Variants in SFPQ observed in about 807,000 individuals in gnomAD.
The protein encoded by SFPQ is splicing factor, proline- and glutamine-rich.
A neutral mutation model predicts 72.9 loss-of-function variants in SFPQ; 11 were observed. That is an observed-to-expected ratio of 0.15 (90% CI 0.09 to 0.25). The LOEUF is 0.25. Among genes scored for constraint, SFPQ ranks in the 10% least tolerant of loss-of-function variants. The probability of loss-of-function intolerance (pLI) is 1.00; values close to 1 mark genes in which losing one functional copy is unlikely to be tolerated. For missense variants in SFPQ, 847 were observed against 993.3 expected (o/e 0.85, Z 1.98); for synonymous variants, 506 against 367.3 (o/e 1.38, Z -4.32).
rs185835547 is a variant in SFPQ, at chr1:35,183,023, C to T, written c.*1433G>A. On this transcript the variant is annotated 3_prime_UTR_variant, in exon 10 of 10. Transcript: ENST00000357214. ...CTCCAGATTTAGTGCTACATGAAAA[C>T]GAAACTATGTGAAAACAAGTTAAAT... 2.1e-5 allele frequency: 22 copies of T among 1,035,684 alleles called. No individual in the cohort carries two copies. The Admixed American group carries it at 2.3e-4, about 11-fold the overall frequency. The allele number at this position is 1,035,684 out of a possible 1,614,324, so 64.2% of individuals were successfully genotyped here.
At position 35,184,573 on chromosome 1, in the gene SFPQ, C is replaced by G; in HGVS notation, c.2007G>C (p.Gln669His). ...GSDMRTERFG[Q>H]GGAGPVGGQG... is the part of the protein sequence containing the mutation. Reference sequence around the variant, plus strand: ...GTCCACCCACAGGCCCCGCACCTCCCTGCCCAAAGCGCTCAGTACGCTATT... The same window carrying G: ...GTCCACCCACAGGCCCCGCACCTCCGTGCCCAAAGCGCTCAGTACGCTATT... Residue 669 changes from glutamine to histidine, a missense_variant, in exon 10 of 10, where the codon CAG (glutamine) becomes CAC (histidine). Coordinates refer to ENST00000357214, the MANE Select transcript of SFPQ (RefSeq NM_005066.3). 6.2e-7 allele frequency: 1 copy of G among 1,601,598 alleles called. No homozygotes were observed. Among genetic ancestry groups the G allele is most frequent in the South Asian group, 1.1e-5 (1 of 88,500 alleles).
downstream of SFPQ, chr1:35,179,721 C>CCA (rs1300408301): frequency 9.5e-7 from 1 of 1,057,222 alleles, no homozygotes; most frequent in African/African-American, 1.7e-5. Context: ...AATTAACCCC[C>CCA]CACCCCAATA....
rs1282360569 is a variant in SFPQ at position 35,192,274 on chromosome 1, G to T, written c.776C>A (p.Pro259His). 2.1e-6 allele frequency: 3 copies of T among 1,462,432 alleles called. No homozygotes were observed. Among genetic ancestry groups the T allele is most frequent in the East Asian group, 6.1e-5 (2 of 32,528 alleles). The allele number at this position is 1,462,432 out of a possible 1,614,324, so 90.6% of individuals were successfully genotyped here. Reference protein sequence around the residue: ...PPYHQQHHQGPPPGGPGGRSE... With the variant: ...PPYHQQHHQGHPPGGPGGRSE... ...GCGGCCGCCGGGCCCGCCGGGCGGG[G>T]GCCCCTGGTGATGCTGCTGGTGGTA... is the stretch of plus-strand genomic sequence containing the variant. Residue 259 changes from proline (P) to histidine (H), a missense_variant, in exon 1 of 10, where the codon CCC becomes CAC. Coordinates refer to ENST00000357214, the MANE Select transcript of SFPQ (RefSeq NM_005066.3).
downstream of SFPQ, chr1:35,182,236 T>TA: frequency 1.0e-6 from 1 of 985,322 alleles, no homozygotes. Context: ...TTTCTTGTCT[T>TA]TAGTAGAGTC....
downstream of SFPQ, chr1:35,179,253 C>A: frequency 2.8e-6 from 3 of 1,061,094 alleles, no homozygotes; most frequent in Non-Finnish European, 2.3e-6. Flanking sequence ...AGGAGACATG[C>A]AACCCCCATT....
At chr1:35,178,323 C>T, downstream of SFPQ, 1 of 1,087,390 alleles carries the variant, frequency 9.2e-7, no homozygotes, top group Non-Finnish European at 1.1e-6. Context: ...GACTGCAACC[C>T]AAAATATACT....
downstream of SFPQ, chr1:35,181,784 A>G: frequency 1.0e-6 from 1 of 985,262 alleles, no homozygotes; most frequent in Non-Finnish European, 1.2e-6. Flanking sequence ...GACTTTTAGG[A>G]AACTATTAAG....
chr1:35,176,922 T>C (rs955024843), intron 5 of SFPQ, among the ~76,000 whole-genome samples: 1 of 148,908 alleles, frequency 6.7e-6, no homozygotes. Context: ...ATGGCATTAA[T>C]TGTAATTAAC....
Position 35,190,589 on chromosome 1 carries a change from G to C in SFPQ, c.1324C>G (p.Pro442Ala). 1 of 1,612,866 alleles carries C rather than the reference G, an allele frequency of 6.2e-7. No individual in the cohort carries two copies. The highest frequency in any genetic ancestry group is 8.5e-7 in the Non-Finnish European group (1 of 1,179,360). Residue 442 changes from proline (P) to alanine (A), a missense_variant, in exon 4 of 10, where the codon CCT (proline) becomes GCT (alanine). Physicochemically the swap from Pro to Ala is conservative, Grantham distance 27. This residue lies in a region of SFPQ where 132 missense variants were observed against 255.4 expected (regional missense o/e 0.52). Transcript: ENST00000357214. ...AGTGGTTCCACAATGACTGGACGAG[G>C]AGTTCTAATAACAAAAATGGTTCCA... ...SEGVFLLTTT[P>A]RPVIVEPLEQ...
At chr1:35,179,416 T>TAACA (rs1639376481), downstream of SFPQ, 2 of 1,056,636 alleles carry the variant, frequency 1.9e-6, no homozygotes, top group African/African-American at 1.6e-5. Flanking sequence ...TCCAAGGGCC[T>TAACA]AACAGTACGA....
chr1:35,187,120 G>A lies in SFPQ; in HGVS notation c.1867C>T (p.Pro623Ser), dbSNP rs1389646495. 2 of 1,613,730 alleles carry A rather than the reference G, an allele frequency of 1.2e-6. No individual in the cohort carries two copies. Among genetic ancestry groups the A allele is most frequent in the African/African-American group, 2.7e-5 (2 of 74,842 alleles). ...AATTTCTGGCCTCCTGAACCATAGG[G>A]ATCTAGAAAACAAAAATAGTGGTTA... ...GGGGAMNMGD[P>S]YGSGGQKFPP... Residue 623 changes from proline (P) to serine (S), a missense_variant and splice_region_variant, in exon 9 of 10, where the codon CCC becomes TCC. Pro to Ser is a moderately conservative substitution (Grantham distance 74). Coordinates refer to ENST00000357214, the MANE Select transcript of SFPQ (RefSeq NM_005066.3).
rs1639562885 is a variant in SFPQ at position 35,183,401 on chromosome 1, T to G, written c.*1055A>C. The G allele has an allele frequency of 3.2e-6, 1 of 310,274 alleles. No individual in the cohort carries two copies. Among genetic ancestry groups the G allele is most frequent in the Non-Finnish European group, 4.8e-6 (1 of 207,518 alleles). The allele number at this position is 310,274 out of a possible 1,614,324, so 19.2% of individuals were successfully genotyped here. A position where few individuals can be genotyped will look rare whatever the true frequency, so the allele number is the denominator to read the frequency against. On this transcript the variant is annotated 3_prime_UTR_variant, in exon 10 of 10. Coordinates refer to ENST00000357214, the MANE Select transcript of SFPQ (RefSeq NM_005066.3). ...CCCAGCTAATTTTTTGTATTTTTAG[T>G]AGAGACGGGGTTTCACCATGTTGGC...
At position 35,192,476 on chromosome 1, in the gene SFPQ, G is replaced by A; in HGVS notation, c.574C>T (p.Pro192Ser). The A allele has an allele frequency of 7.5e-7, 1 of 1,334,266 alleles. No individual in the cohort carries two copies. The highest frequency in any genetic ancestry group is 2.7e-4 in the Middle Eastern group (1 of 3,702). 82.7% of individuals were successfully genotyped at this position (1,334,266 alleles called of 1,614,324 possible). ...GGPPPPPAAV[P>S]GPGPGPKQGP... ...TGCTTAGGCCCTGGACCCGGGCCCG[G>A]GACTGCCGCGGGCGGAGGCGGCGGG... The change falls in exon 1 of 10, where the codon CCG (proline) becomes TCG (serine). Residue 192 changes from proline to serine, a missense_variant. Pro to Ser is a moderately conservative substitution (Grantham distance 74). Coordinates refer to ENST00000357214, the MANE Select transcript of SFPQ (RefSeq NM_005066.3).
At chr1:35,178,254 G>A, downstream of SFPQ, 7 of 1,091,550 alleles carry the variant, frequency 6.4e-6, no homozygotes, top group Non-Finnish European at 7.8e-6. Context: ...AATGAAAACT[G>A]TATTTTCTTT....
At chr1:35,178,178 GA>G (rs1639324865), downstream of SFPQ, 1 of 1,059,500 alleles carries the variant, frequency 9.4e-7, no homozygotes, top group East Asian at 5.6e-5. Context: ...AAAATAGGAA[GA>G]AACTTCATGG....
At chr1:35,178,255 T>C (rs1639328600), downstream of SFPQ, 1 of 1,092,978 alleles carries the variant, frequency 9.1e-7, no homozygotes, top group Non-Finnish European at 1.1e-6. Context: ...ATGAAAACTG[T>C]ATTTTCTTTA....
At chr1:35,191,051 T>TA (rs1281170558) in intron 2 of SFPQ, 56 bp from the exon 3 acceptor site, 4 of 1,431,404 alleles carry the variant, frequency 2.8e-6, no homozygotes, top group Non-Finnish European at 3.9e-6. Context: ...TGTCTACTCT[T>TA]AAATTGTCAT....
chr1:35,191,763 C>G (rs1276900167), intron 1 of SFPQ, among the ~76,000 whole-genome samples: 1 of 133,732 alleles, frequency 7.5e-6, no homozygotes, highest in Middle Eastern at 3.4e-3. Flanking sequence ...AGACGTCCAT[C>G]AGCAACTGTC....
chr1:35,191,210 G>GT, intron 2 of SFPQ, 131 bp downstream of exon 2: 1 of 884,618 alleles, frequency 1.1e-6, no homozygotes. Context: ...CATTTTTCCT[G>GT]TAAGAATGGT....
Sources: gnomAD v4.1 joint callset for allele counts (sites outside exome capture counted in the v4.1 genomes callset) on GRCh38, gnomAD v4.1.1 for gene constraint, gnomAD v4.1.1 regional missense constraint, MANE v1.5 for transcripts, NCBI Gene and HGNC (gene_info 2026-07-23, HGNC 2026-07-21) for gene names.